The following RBFOX1 variants were observed in gnomAD, a reference collection of about 807,000 sequenced individuals.
RBFOX1 encodes RNA binding protein fox-1 homolog 1.
A neutral mutation model predicts 57.7 loss-of-function variants in RBFOX1; 8 were observed. That is an observed-to-expected ratio of 0.14 (90% CI 0.08 to 0.25). The LOEUF is 0.25. RBFOX1 is among the 10% of genes least tolerant of loss of function. RBFOX1 has a pLI of 1.00. For synonymous variants in RBFOX1, 326 were observed against 222.4 expected, an observed-to-expected ratio of 1.47 and a Z score of -4.15; for missense variants, 611 against 548.5, an observed-to-expected ratio of 1.11 and a Z score of -1.14.
At chr16:5,622,881 T>C (rs972098097) in intron 3 of RBFOX1, among the ~76,000 whole-genome samples, 18 of 152,376 alleles carry the variant, frequency 1.2e-4, no homozygotes, top group Middle Eastern at 3.4e-3. Context: ...AGAGTTTGTT[T>C]TCTTATTGTT....
chr16:5,646,538 G>C (rs929598784), intron 3 of RBFOX1, among the ~76,000 whole-genome samples: 12 of 152,318 alleles, frequency 7.9e-5, no homozygotes, highest in Admixed American at 6.5e-4. Context: ...TGCAGGAGGA[G>C]AATGCAGAGG....
chr16:6,289,957 A>G (rs1290237810), intron 1 of RBFOX1, among the ~76,000 whole-genome samples: 1 of 152,226 alleles, frequency 6.6e-6, no homozygotes, highest in Non-Finnish European at 1.5e-5. Flanking sequence ...GAAATGTAAC[A>G]GCTTCACAAG....
chr16:5,822,641 G>A (rs2055896047), intron 3 of RBFOX1, among the ~76,000 whole-genome samples: 1 of 152,128 alleles, frequency 6.6e-6, no homozygotes, highest in Admixed American at 6.6e-5. Context: ...AATACACAAT[G>A]CTGCTACAAG....
At chr16:7,284,097 G>A (rs1010816575) in intron 4 of RBFOX1, among the ~76,000 whole-genome samples, 16 of 152,328 alleles carry the variant, frequency 1.1e-4, no homozygotes, top group Non-Finnish European at 1.6e-4. Context: ...CCAGGTAGTT[G>A]CATCTATCAA....
intron 2 of RBFOX1, among the ~76,000 whole-genome samples, chr16:6,372,245 G>T (rs1306073106): frequency 6.6e-6 from 1 of 151,934 alleles, no homozygotes; most frequent in South Asian, 2.1e-4. Flanking sequence ...AGTATTGTTG[G>T]GTGGAATAGA....
chr16:7,264,301 C>G (rs75924098), intron 4 of RBFOX1, among the ~76,000 whole-genome samples: 3 of 152,306 alleles, frequency 2.0e-5, no homozygotes, highest in South Asian at 2.1e-4. Flanking sequence ...CTGATAGGCA[C>G]TAAAGCAAAA....
chr16:6,990,064 G>C (rs28409318), intron 3 of RBFOX1, among the ~76,000 whole-genome samples: 3,074 of 152,240 alleles, frequency 0.02, 106 homozygotes, highest in African/African-American at 0.07. Context: ...CCCTGTACTA[G>C]AATATACTCT....
chr16:6,822,404 T>C (rs2091460099), intron 3 of RBFOX1, among the ~76,000 whole-genome samples: 1 of 152,222 alleles, frequency 6.6e-6, no homozygotes, highest in Non-Finnish European at 1.5e-5. Flanking sequence ...TGCCAGCAAG[T>C]CTTTTAAAAG....
intron 4 of RBFOX1, among the ~76,000 whole-genome samples, chr16:7,123,342 G>A (rs774203826): frequency 5.9e-5 from 9 of 152,018 alleles, no homozygotes; most frequent in Non-Finnish European, 1.2e-4. Context: ...ATGAAAAAGT[G>A]TAGAATTACC....
chr16:5,985,228 C>A lies in RBFOX1; in HGVS notation c.351+117893C>A, dbSNP rs8046510. Among the ~76,000 whole-genome samples, 675 of 151,194 alleles carry A rather than the reference C, an allele frequency of 4.5e-3. 6 individuals are homozygous for A. Among genetic ancestry groups the A allele is most frequent in the African/African-American group, 0.015 (635 of 41,170 alleles). ...AGGATGGTCTCGATCTCCTGACCTC[C>A]TGATCCATCCCCCTCGGCCTCCCAA... On this transcript the variant is annotated intron_variant, in intron 4 of 19. Coordinates refer to the RBFOX1 transcript ENST00000641259.
At chr16:7,107,084 T>A (rs1299633538) in intron 4 of RBFOX1, among the ~76,000 whole-genome samples, 1 of 152,054 alleles carries the variant, frequency 6.6e-6, no homozygotes, top group Non-Finnish European at 1.5e-5. Flanking sequence ...GGAACTGATA[T>A]TTAAGCCTGT....
intron 1 of RBFOX1, among the ~76,000 whole-genome samples, chr16:6,086,888 T>G (rs911704127): frequency 2.6e-5 from 4 of 152,226 alleles, no homozygotes; most frequent in Admixed American, 1.3e-4. Context: ...TTAGGGTCTT[T>G]CCTTGTTGAA....
intron 1 of RBFOX1, among the ~76,000 whole-genome samples, chr16:6,236,397 A>T (rs1002335156): frequency 6.6e-6 from 1 of 152,174 alleles, no homozygotes; most frequent in Admixed American, 6.5e-5. Flanking sequence ...TACCTGAAAT[A>T]CAGGAAATAC....
At chr16:7,192,261 G>C (rs1416053770) in intron 4 of RBFOX1, among the ~76,000 whole-genome samples, 2 of 152,166 alleles carry the variant, frequency 1.3e-5, no homozygotes, top group Non-Finnish European at 2.9e-5. Context: ...TTGATGTTTT[G>C]TGCAAGGAGA....
chr16:6,024,223 A>G (rs2095141524), intron 1 of RBFOX1, among the ~76,000 whole-genome samples: 1 of 152,170 alleles, frequency 6.6e-6, no homozygotes, highest in Non-Finnish European at 1.5e-5. Flanking sequence ...TTTGGAATGT[A>G]CCACATGTTA....
intron 4 of RBFOX1, among the ~76,000 whole-genome samples, chr16:5,952,270 C>G (rs2059536946): frequency 6.6e-6 from 1 of 151,924 alleles, no homozygotes; most frequent in African/African-American, 2.4e-5. Flanking sequence ...CCTGCCTCAG[C>G]CTCCTGAGTA....
In RBFOX1 at chr16:6,707,042, C is replaced by T. The variant is rs147750104; in HGVS notation, c.-16+52392C>T. Reference sequence around the variant, plus strand: ...ATATCATCTCTAATGATCCATCAGCCGAGGGATAACCACTGTCATCATTTT... The same window carrying T: ...ATATCATCTCTAATGATCCATCAGCTGAGGGATAACCACTGTCATCATTTT... On this transcript the variant is annotated intron_variant, in intron 3 of 15. Transcript: ENST00000550418. 2.1e-4 allele frequency among the ~76,000 whole-genome samples: 32 copies of T among 152,208 alleles called. No homozygotes were observed. The East Asian group carries it at 5.8e-3, about 28-fold the overall frequency.
intron 5 of RBFOX1, among the ~76,000 whole-genome samples, chr16:7,566,714 G>A (rs539731833): frequency 1.2e-4 from 19 of 152,094 alleles, no homozygotes; most frequent in East Asian, 1.9e-4. Flanking sequence ...TATAAACTAC[G>A]AGTGGCATTC....
chr16:6,014,071 C>A (rs1014951313), upstream of RBFOX1, among the ~76,000 whole-genome samples: 12 of 151,908 alleles, frequency 7.9e-5, no homozygotes, highest in Admixed American at 7.9e-4. Flanking sequence ...ACGTAACAAA[C>A]CTGCACGTTG....
Sources: gnomAD v4.1 joint callset for allele counts (sites outside exome capture counted in the v4.1 genomes callset) on GRCh38, gnomAD v4.1.1 for gene constraint, MANE v1.5 for transcripts, NCBI Gene and HGNC (gene_info 2026-07-23, HGNC 2026-07-21) for gene names.